Variants in DMD observed in about 807,000 individuals in gnomAD.
DMD encodes dystrophin.
A neutral mutation model predicts 330.1 loss-of-function variants in DMD; 63 were observed. The ratio of observed to expected loss-of-function variants is 0.19; its 90% CI spans 0.16 to 0.24. The LOEUF (loss-of-function observed/expected upper bound fraction) is 0.24. Ranked by LOEUF, DMD falls within the 10% of genes least tolerant of loss-of-function variation. The pLI is 1.00. For missense variants in DMD, 3,344 were observed against 2,684.1 expected (o/e 1.25, Z -5.43); for synonymous variants, 1,223 against 959.8 (o/e 1.27, Z -5.07).
chrX:32,039,509 C>A (rs1396919361), intron 44 of DMD, among the ~76,000 whole-genome samples: 3 of 111,240 alleles, frequency 2.7e-5, no homozygotes, highest in Non-Finnish European at 3.8e-5. Context: ...GCCCCCAAAT[C>A]TCACTGTCTC....
At chrX:32,078,889 C>T (rs975797524) in intron 44 of DMD, among the ~76,000 whole-genome samples, 4 of 111,847 alleles carry the variant, frequency 3.6e-5, no homozygotes, top group Admixed American at 1.9e-4. Context: ...ATGAAGAATA[C>T]GAAAAGTTGA....
intron 44 of DMD, among the ~76,000 whole-genome samples, chrX:32,163,435 C>CA (rs1407879000): frequency 2.7e-5 from 3 of 112,184 alleles, no homozygotes; most frequent in Non-Finnish European, 5.6e-5. Context: ...CTTGAAAAGA[C>CA]AAAATCATAG....
intron 11 of DMD, among the ~76,000 whole-genome samples, chrX:32,629,952 T>G (rs1267370790): frequency 3.6e-5 from 4 of 111,550 alleles, no homozygotes; most frequent in East Asian, 2.8e-4. Context: ...ATATGGGTAG[T>G]TGAGACATCA....
At chrX:32,840,810 T>A (rs2080093154) in intron 4 of DMD, among the ~76,000 whole-genome samples, 1 of 112,338 alleles carries the variant, frequency 8.9e-6, no homozygotes, top group African/African-American at 3.2e-5. Flanking sequence ...GAATGTATCA[T>A]AGTCACTTCC....
intron 15 of DMD, among the ~76,000 whole-genome samples, chrX:32,566,391 T>C (rs1810625347): frequency 8.9e-6 from 1 of 112,363 alleles, no homozygotes; most frequent in Non-Finnish European, 1.9e-5. Flanking sequence ...TACAATATTA[T>C]TGTTTCCACA....
At chrX:32,478,490 G>A (rs1460112890) in intron 21 of DMD, among the ~76,000 whole-genome samples, 3 of 111,576 alleles carry the variant, frequency 2.7e-5, no homozygotes. Context: ...CACTGACAAA[G>A]GTGTCAAGAA....
At chrX:32,310,336 A>G in intron 41 of DMD, 60 bp from the exon 42 acceptor site, 1 of 961,414 alleles carries the variant, frequency 1.0e-6, no homozygotes, top group Non-Finnish European at 1.5e-6. Context: ...AACCTCCTCC[A>G]TTAAGTTTAT....
intron 16 of DMD, among the ~76,000 whole-genome samples, chrX:32,547,054 TTTA>T (rs1369842644): frequency 1.9e-5 from 1 of 52,955 alleles, no homozygotes; most frequent in African/African-American, 8.0e-5. Flanking sequence ...CCCAAGATAA[TTTA>T]TTTTTTTATT....
intron 17 of DMD, among the ~76,000 whole-genome samples, chrX:32,544,287 T>A (rs1181393526): frequency 1.8e-5 from 2 of 112,011 alleles, no homozygotes; most frequent in Non-Finnish European, 3.8e-5. Context: ...TTTATTTTTT[T>A]TCTTAGAACA....
intron 1 of DMD, among the ~76,000 whole-genome samples, chrX:33,136,591 T>C (rs2095529292): frequency 9.1e-6 from 1 of 109,915 alleles, no homozygotes; most frequent in Non-Finnish European, 1.9e-5. Flanking sequence ...TTAGGTCATA[T>C]AAGCGGAGCC....
chrX:33,095,933 G>C (rs1603272811), intron 1 of DMD, among the ~76,000 whole-genome samples: 2 of 104,507 alleles, frequency 1.9e-5, no homozygotes, highest in Admixed American at 2.1e-4. Context: ...TGTCCCTTAA[G>C]AGTGCTAAAT....
intron 44 of DMD, among the ~76,000 whole-genome samples, chrX:32,048,184 T>G (rs1475558863): frequency 9.9e-6 from 1 of 100,804 alleles, no homozygotes; most frequent in African/African-American, 3.6e-5. Flanking sequence ...ACAATGAACC[T>G]ATTAAGTAGA....
intron 37 of DMD, among the ~76,000 whole-genome samples, chrX:32,360,131 A>G (rs1327503754): frequency 8.9e-6 from 1 of 111,781 alleles, no homozygotes; most frequent in African/African-American, 3.3e-5. Flanking sequence ...TCATCTCACC[A>G]TTATTTGAAC....
intron 12 of DMD, among the ~76,000 whole-genome samples, chrX:32,612,099 T>G (rs1006613783): frequency 3.6e-5 from 4 of 111,208 alleles, no homozygotes; most frequent in African/African-American, 1.3e-4. Flanking sequence ...CGTAAGGCAT[T>G]ATGAGAGCAC....
rs34570094 is a variant in DMD, at chrX:31,677,067, GTT to G, written c.7872+2306_7872+2307del. On this transcript the variant is annotated intron_variant, in intron 53 of 78. Transcript: ENST00000357033. ...ATGTAGTTTTAGACCATTCCAAAGC[GTT>G]TTTTTTTTTTAATTTCAAAAGTTTG... Among the ~76,000 whole-genome samples, 271 of 103,883 alleles carry G rather than the reference GTT, an allele frequency of 2.6e-3. 1 individual carries two copies. The highest frequency in any genetic ancestry group is 6.6e-3 in the African/African-American group (189 of 28,715). The allele number at this position is 103,883 out of a possible 115,157, so 90.2% of individuals were successfully genotyped here. A position where few individuals can be genotyped will look rare whatever the true frequency, so the allele number is the denominator to read the frequency against.
chrX:31,392,597 C>A (rs1028893854), intron 60 of DMD, among the ~76,000 whole-genome samples: 1 of 111,673 alleles, frequency 9.0e-6, no homozygotes, highest in Non-Finnish European at 1.9e-5. Flanking sequence ...ATGACTGAAG[C>A]GCGAACTGTG....
rs768132086 is a variant in DMD, at chrX:32,699,265, C to T, written c.678G>A (p.Lys226=). The change falls in exon 8 of 79, where the codon AAG becomes AAA. Residue 226 remains lysine, a synonymous_variant. Transcript: ENST00000357033. ...EDVDTTYPDK[K]SILMYITSLF... The stretch of plus-strand genomic sequence containing the variant: ...GTGATGTGATGTACATTAAGATGGA[C>T]TTCTTATCTGGATAGGTGGTATCAA... 1.6e-5 allele frequency: 19 copies of T among 1,207,342 alleles called. No homozygotes were observed. In the Admixed American group the frequency reaches 3.7e-4, roughly 24 times the overall value.
At chrX:32,052,930 G>A (rs1164970842) in intron 44 of DMD, among the ~76,000 whole-genome samples, 1 of 110,879 alleles carries the variant, frequency 9.0e-6, no homozygotes, top group Non-Finnish European at 1.9e-5. Context: ...AACTATAAAA[G>A]GAGAGTTGCA....
chrX:32,882,454 G>A (rs927300587), intron 2 of DMD, among the ~76,000 whole-genome samples: 1 of 112,109 alleles, frequency 8.9e-6, no homozygotes, highest in African/African-American at 3.2e-5. Context: ...CCCAAAACTT[G>A]TCACTATCAA....
Sources: gnomAD v4.1 joint callset for allele counts (sites outside exome capture counted in the v4.1 genomes callset) on GRCh38, gnomAD v4.1.1 for gene constraint, MANE v1.5 for transcripts, NCBI Gene and HGNC (gene_info 2026-07-23, HGNC 2026-07-21) for gene names.